Variants in ETNPPL observed in about 807,000 individuals in gnomAD.
ETNPPL encodes the protein alanine--glyoxylate aminotransferase 2-like 1.
In ETNPPL, 30 loss-of-function variants were observed where a neutral mutation model predicts 55.5. That is an observed-to-expected ratio of 0.54 (90% CI 0.40 to 0.73). The LOEUF (loss-of-function observed/expected upper bound fraction) is 0.73, where lower values mean the gene tolerates loss of function less well. Ranked by LOEUF, ETNPPL falls within the 30% of genes least tolerant of loss-of-function variation. The probability of loss-of-function intolerance (pLI) is 0.00; values close to 1 mark genes in which losing one functional copy is unlikely to be tolerated. For missense variants in ETNPPL, 528 were observed against 607.9 expected, an observed-to-expected ratio of 0.87 and a Z score of 1.38; for synonymous variants, 202 against 207.2, an observed-to-expected ratio of 0.98 and a Z score of 0.21.
In ETNPPL at chr4:108,752,895, C is replaced by G; in HGVS notation, c.618G>C (p.Lys206Asn). 6.4e-7 allele frequency: 1 copy of G among 1,551,688 alleles called. No homozygotes were observed. The highest frequency in any genetic ancestry group is 8.9e-7 in the Non-Finnish European group (1 of 1,127,512). The change falls in exon 6 of 13, where the codon AAG becomes AAC. Residue 206 changes from lysine to asparagine, a missense_variant and splice_region_variant. Coordinates refer to ENST00000296486, the MANE Select transcript of ETNPPL (RefSeq NM_031279.4). The part of the protein sequence containing the change: ...IIEDAHNSGR[K>N]IAAFIAESMQ... ...TGTTTCCAAAGCTATAAATACAAAC[C>G]TTCCTTCCACTGTTATGAGCATCTT...
intron 6 of ETNPPL, among the ~76,000 whole-genome samples, chr4:108,752,422 G>A (rs946657889): frequency 2.6e-4 from 39 of 152,140 alleles, no homozygotes; most frequent in African/African-American, 9.2e-4. Flanking sequence ...AGAAGTCCAG[G>A]CCCACATCGG....
Position 108,762,924 on chromosome 4 carries a change from A to C in ETNPPL, c.-26T>G. On this transcript the variant is annotated 5_prime_UTR_variant, in exon 1 of 13. Transcript: ENST00000296486. ...GGTGGCGGGGTGCAGGGCGCTGCGA[A>C]GGTGCAAGGTGCAAGGTCTGCGCGC... 6.2e-7 allele frequency: 1 copy of C among 1,607,384 alleles called. No homozygotes were observed. The highest frequency in any genetic ancestry group is 8.5e-7 in the Non-Finnish European group (1 of 1,174,156).
intron 11 of ETNPPL, among the ~76,000 whole-genome samples, chr4:108,745,071 C>T (rs1444156188): frequency 6.6e-6 from 1 of 152,064 alleles, no homozygotes; most frequent in Non-Finnish European, 1.5e-5. Context: ...ACGACAATAT[C>T]TATCATTTTT....
At chr4:108,760,067 A>G in intron 2 of ETNPPL, 121 bp downstream of exon 2, 1 of 1,035,502 alleles carries the variant, frequency 9.7e-7, no homozygotes, top group Non-Finnish European at 1.5e-6. Flanking sequence ...CACTAGGACT[A>G]CTGGCCCACT....
At chr4:108,760,063 G>T in intron 2 of ETNPPL, 125 bp downstream of exon 2, 1 of 1,046,560 alleles carries the variant, frequency 9.6e-7, no homozygotes, top group Non-Finnish European at 1.4e-6. Flanking sequence ...TCCCCACTAG[G>T]ACTACTGGCC....
intron 11 of ETNPPL, among the ~76,000 whole-genome samples, chr4:108,745,495 G>C (rs1013510858): frequency 1.3e-5 from 2 of 152,102 alleles, no homozygotes; most frequent in Non-Finnish European, 2.9e-5. Context: ...TCAGGTGGCT[G>C]AGACAGGAGA....
At chr4:108,760,036 A>G in intron 2 of ETNPPL, 128 bp from the exon 3 acceptor site, 1 of 1,178,150 alleles carries the variant, frequency 8.5e-7, no homozygotes, top group South Asian at 1.4e-5. Context: ...TTTCTCTTCC[A>G]TATTTTGCTG....
At chr4:108,762,370 A>C in intron 1 of ETNPPL, 1 of 472,588 alleles carries the variant, frequency 2.1e-6, no homozygotes, top group Non-Finnish European at 4.2e-6. Flanking sequence ...CAAGCATGCA[A>C]GAAGAAAAAG....
chr4:108,762,737 T>G, intron 1 of ETNPPL, 106 bp downstream of exon 1: 1 of 1,365,420 alleles, frequency 7.3e-7, no homozygotes, highest in East Asian at 2.3e-5. Context: ...GGGCACGGAG[T>G]GCGGCTGCAG....
At chr4:108,749,212 C>A (rs769699657) in intron 8 of ETNPPL, 26 bp downstream of exon 8, 10 of 1,527,838 alleles carry the variant, frequency 6.5e-6, no homozygotes, top group Non-Finnish European at 9.1e-6. Flanking sequence ...TCCTTCTTAG[C>A]ATTAAAGTTG....
chr4:108,751,904 A>C (rs1249869579), intron 6 of ETNPPL, among the ~76,000 whole-genome samples: 1 of 152,242 alleles, frequency 6.6e-6, no homozygotes, highest in Non-Finnish European at 1.5e-5. Context: ...GTTCTCAAAA[A>C]ATTATTCAAA....
Position 108,752,996 on chromosome 4 carries a change from T to C in ETNPPL, c.517A>G (p.Thr173Ala). ...EFVHVAPTPD[T>A]YRGKYREDHA... ...TCTTCTCTATATTTTCCTCTGTAAG[T>C]ATCTGGAGTTGGTGCCTGAAAACAT... Residue 173 changes from threonine (T) to alanine (A), a missense_variant, in exon 6 of 13, where the codon ACT (threonine) becomes GCT (alanine). Physicochemically the swap from Thr to Ala is moderately conservative, Grantham distance 58. Transcript: ENST00000296486. 1 of 1,604,524 alleles carries C rather than the reference T, an allele frequency of 6.2e-7. No individual in the cohort carries two copies.
chr4:108,759,962 G>A, intron 2 of ETNPPL, 54 bp from the exon 3 acceptor site: 2 of 1,512,254 alleles, frequency 1.3e-6, no homozygotes, highest in South Asian at 2.3e-5. Flanking sequence ...TAAGTGCCTG[G>A]GAATAAGAGG....
intron 3 of ETNPPL, among the ~76,000 whole-genome samples, chr4:108,759,190 G>A (rs756335029): frequency 4.0e-5 from 6 of 151,772 alleles, no homozygotes; most frequent in Non-Finnish European, 8.8e-5. Context: ...GTTGCCAGGC[G>A]CAGTGGCTCA....
At chr4:108,746,705 A>G in intron 10 of ETNPPL, 57 bp downstream of exon 10, 2 of 1,547,828 alleles carry the variant, frequency 1.3e-6, no homozygotes, top group African/African-American at 2.7e-5. Flanking sequence ...CAAGCTTTCA[A>G]GTGGGTAGGC....
intron 1 of ETNPPL, among the ~76,000 whole-genome samples, chr4:108,761,685 A>T (rs1003229865): frequency 1.3e-5 from 2 of 152,344 alleles, no homozygotes; most frequent in Non-Finnish European, 2.9e-5. Context: ...AATCTAACTA[A>T]GATTGAAAAC....
intron 1 of ETNPPL, 127 bp from the exon 2 acceptor site, chr4:108,760,433 G>C: frequency 1.9e-6 from 1 of 516,058 alleles, no homozygotes; most frequent in Non-Finnish European, 3.5e-6. Context: ...CAACCTGGAT[G>C]ACATACATTT....
intron 3 of ETNPPL, among the ~76,000 whole-genome samples, chr4:108,757,095 C>T (rs983739465): frequency 2.6e-5 from 4 of 152,120 alleles, no homozygotes; most frequent in African/African-American, 9.7e-5. Context: ...AAGAAGCCTT[C>T]ACTAAATCTG....
chr4:108,759,822 T>A lies in ETNPPL; in HGVS notation c.262A>T (p.Ile88Phe), dbSNP rs1034727796. The part of the protein sequence containing the change: ...NTNSRFLHDN[I>F]VEYAKRLSAT... ...GAAAGGCGTTTGGCATACTCAACAA[T>A]GTTGTCGTGGAGGAATCGAGAATTT... The change falls in exon 3 of 13, where the codon ATT becomes TTT. Residue 88 changes from isoleucine to phenylalanine, a missense_variant. Coordinates refer to ENST00000296486, the MANE Select transcript of ETNPPL (RefSeq NM_031279.4). The A allele has an allele frequency of 1.9e-6, 3 of 1,614,126 alleles. No homozygotes were observed. The highest frequency in any genetic ancestry group is 2.7e-5 in the African/African-American group (2 of 75,040).
Sources: gnomAD v4.1 joint callset for allele counts (sites outside exome capture counted in the v4.1 genomes callset) on GRCh38, gnomAD v4.1.1 for gene constraint, MANE v1.5 for transcripts, NCBI Gene and HGNC (gene_info 2026-07-23, HGNC 2026-07-21) for gene names.